Variants in RGMA observed in about 807,000 individuals in gnomAD.
The protein encoded by RGMA is repulsive guidance molecule A.
RGMA carries 10 observed loss-of-function variants against 23.2 expected under a neutral mutation model. That is an observed-to-expected ratio of 0.43 (90% CI 0.27 to 0.73). RGMA has a LOEUF of 0.73. RGMA is among the 30% of genes least tolerant of loss of function. RGMA has a pLI of 0.20. For synonymous variants in RGMA, 308 were observed against 279.3 expected, an observed-to-expected ratio of 1.10 and a Z score of -1.03; for missense variants, 547 against 630.5, an observed-to-expected ratio of 0.87 and a Z score of 1.42.
At chr15:93,061,565 A>T (rs1167947687) in intron 2 of RGMA, among the ~76,000 whole-genome samples, 1 of 152,148 alleles carries the variant, frequency 6.6e-6, no homozygotes, top group Non-Finnish European at 1.5e-5. Context: ...TCTTTTGGGG[A>T]GGGGGGCTCC....
At position 93,066,088 on chromosome 15, in the gene RGMA, C is replaced by T. The variant is rs1166501314; in HGVS notation, c.130+6828G>A. 8 of 1,505,892 alleles carry T rather than the reference C, an allele frequency of 5.3e-6. No homozygotes were observed. In the African/African-American group the frequency reaches 5.5e-5, roughly 10 times the overall value. 93.3% of individuals were successfully genotyped at this position (1,505,892 alleles called of 1,614,324 possible). ...AACTGAGGGAGGCCGGGGGATGAATCGGCGAAACTTACGTAGGTTGGGGGC... is the reference window on the plus strand; with the variant it reads ...AACTGAGGGAGGCCGGGGGATGAATTGGCGAAACTTACGTAGGTTGGGGGC... On this transcript the variant is annotated intron_variant, in intron 2 of 3. Coordinates refer to ENST00000329082, the MANE Select transcript of RGMA (RefSeq NM_020211.3).
chr15:93,052,819 A>G (rs1215185297), intron 2 of RGMA, among the ~76,000 whole-genome samples: 1 of 152,132 alleles, frequency 6.6e-6, no homozygotes, highest in East Asian at 1.9e-4. Context: ...CTGACAGGCC[A>G]CCCTGGGGCC....
At chr15:93,088,887 C>T (rs1489790664) in intron 1 of RGMA, 32 bp downstream of exon 1, 2 of 1,490,318 alleles carry the variant, frequency 1.3e-6, no homozygotes, top group South Asian at 1.3e-5. Context: ...GATGTCAGAG[C>T]CGGGTCTGCC....
rs1488708350 is a variant in RGMA at position 93,088,941 on chromosome 15, G to A, written c.-9C>T. ...TACCTTGGCGGCTGCATGAGCCCCT[G>A]CGGCCCGCGGGGGGTGGCGCTGGCG... is the stretch of plus-strand genomic sequence containing the variant. On this transcript the variant is annotated 5_prime_UTR_variant, in exon 1 of 4. Coordinates refer to ENST00000329082, the MANE Select transcript of RGMA (RefSeq NM_020211.3). 24 of 1,413,338 alleles carry A rather than the reference G, an allele frequency of 1.7e-5. No individual in the cohort carries two copies. The highest frequency in any genetic ancestry group is 2.2e-5 in the Non-Finnish European group (24 of 1,092,032). The allele number at this position is 1,413,338 out of a possible 1,614,324, so 87.5% of individuals were successfully genotyped here. A position where few individuals can be genotyped will look rare whatever the true frequency, so the allele number is the denominator to read the frequency against.
chr15:93,063,104 C>T (rs992842986), intron 2 of RGMA: 7 of 152,184 alleles, frequency 4.6e-5, no homozygotes, highest in African/African-American at 1.7e-4. Flanking sequence ...GAGGCGATGG[C>T]TTCAATTAGG....
At chr15:93,054,153 C>T (rs1190033483) in intron 2 of RGMA, among the ~76,000 whole-genome samples, 1 of 150,710 alleles carries the variant, frequency 6.6e-6, no homozygotes, top group African/African-American at 2.5e-5. Flanking sequence ...CTGCTTGAAC[C>T]CGGGAGGCAG....
At chr15:93,050,931 G>A (rs772817752) in intron 3 of RGMA, among the ~76,000 whole-genome samples, 11 of 152,216 alleles carry the variant, frequency 7.2e-5, no homozygotes, top group Non-Finnish European at 1.3e-4. Context: ...GGGAGGTGCA[G>A]GGGCCGTGGG....
chr15:93,066,262 G>T, intron 2 of RGMA: 1 of 1,136,096 alleles, frequency 8.8e-7, no homozygotes, highest in Non-Finnish European at 1.3e-6. Context: ...ATAGCTGTCT[G>T]GTGAACAAAG....
intron 1 of RGMA, chr15:93,073,567 C>A: frequency 6.5e-7 from 1 of 1,531,142 alleles, no homozygotes; most frequent in South Asian, 1.2e-5. Context: ...GCCCTACTTT[C>A]CAACCAGACT....
In RGMA at chr15:93,072,819, G is replaced by A. The variant is rs1023081162; in HGVS notation, c.130+97C>T. On this transcript the variant is annotated intron_variant, in intron 2 of 3. Transcript: ENST00000329082. Reference sequence around the variant, plus strand: ...AGGAGGCGGGGTCCGGAGGAGGTCCGGAGAACTTGAGCCCGGACTCACTCG... The same window carrying A: ...AGGAGGCGGGGTCCGGAGGAGGTCCAGAGAACTTGAGCCCGGACTCACTCG... The A allele has an allele frequency of 8.9e-6, 12 of 1,349,512 alleles. No individual in the cohort carries two copies. In the Admixed American group the frequency reaches 1.9e-4, roughly 21 times the overall value. 83.6% of individuals were successfully genotyped at this position (1,349,512 alleles called of 1,614,324 possible). A position where few individuals can be genotyped will look rare whatever the true frequency, so the allele number is the denominator to read the frequency against.
intron 2 of RGMA, among the ~76,000 whole-genome samples, chr15:93,062,378 C>T (rs986246175): frequency 1.3e-5 from 2 of 152,176 alleles, no homozygotes; most frequent in African/African-American, 4.8e-5. Context: ...AATGGAAGTA[C>T]GAGAAGGTAT....
intron 3 of RGMA, among the ~76,000 whole-genome samples, chr15:93,047,827 T>G (rs2054849700): frequency 6.6e-6 from 1 of 152,172 alleles, no homozygotes; most frequent in South Asian, 2.1e-4. Context: ...AGCAGATGTG[T>G]GGCGAGGGCA....
In RGMA at chr15:93,087,464, C is replaced by CA. The variant is rs60714695; in HGVS notation, c.14+1454dup. The stretch of plus-strand genomic sequence containing the variant: ...GCAAGAAACCCCTTCTTTGTATGTG[C>CA]AAAAAAAAAAAAAAAAAAAACCACA... On this transcript the variant is annotated intron_variant, in intron 1 of 3. Coordinates refer to ENST00000329082, the MANE Select transcript of RGMA (RefSeq NM_020211.3). Among the ~76,000 whole-genome samples the CA allele has an allele frequency of 4.4e-4, 33 of 74,522 alleles. 1 individual carries two copies. The highest frequency in any genetic ancestry group is 1.1e-3 in the African/African-American group (21 of 18,442). The allele number at this position is 74,522 out of a possible 152,430, so 48.9% of individuals were successfully genotyped here.
In RGMA at chr15:93,043,365, A is replaced by G. The variant is rs1169763370; in HGVS notation, c.*1633T>C. On this transcript the variant is annotated 3_prime_UTR_variant, in exon 4 of 4. Transcript: ENST00000329082. ...CAAAGTCCATCCTCCACCCGCCTCA[A>G]GGGAGCCAAAGTCTGTTCAGAAAAC... 6.6e-6 allele frequency: 1 copy of G among 152,540 alleles called. No homozygotes were observed. Among genetic ancestry groups the G allele is most frequent in the Non-Finnish European group, 1.5e-5 (1 of 68,066 alleles). 9.4% of individuals were successfully genotyped at this position (152,540 alleles called of 1,614,324 possible). A position where few individuals can be genotyped will look rare whatever the true frequency, so the allele number is the denominator to read the frequency against.
At position 93,041,553 on chromosome 15, in the gene RGMA, C is replaced by T. The variant is rs1596469018; in HGVS notation, c.*3445G>A. 2 of 152,328 alleles carry T rather than the reference C, an allele frequency of 1.3e-5. No individual in the cohort carries two copies. The highest frequency in any genetic ancestry group is 4.1e-4 in the South Asian group (2 of 4,824). The allele number at this position is 152,328 out of a possible 1,614,324, so 9.4% of individuals were successfully genotyped here. A position where few individuals can be genotyped will look rare whatever the true frequency, so the allele number is the denominator to read the frequency against. On this transcript the variant is annotated 3_prime_UTR_variant, in exon 4 of 4. Coordinates refer to ENST00000329082, the MANE Select transcript of RGMA (RefSeq NM_020211.3). ...AGGGTCCTGGAAAAAAAATTCCAAACCAAGAATACTTTGTGGCTAGTGCCA... is the reference window on the plus strand; with the variant it reads ...AGGGTCCTGGAAAAAAAATTCCAAATCAAGAATACTTTGTGGCTAGTGCCA...
At chr15:93,075,946 G>C (rs1049174518) in intron 1 of RGMA, among the ~76,000 whole-genome samples, 1 of 152,198 alleles carries the variant, frequency 6.6e-6, no homozygotes, top group Admixed American at 6.5e-5. Flanking sequence ...GCAGTATGGC[G>C]TTGTGTTGAC....
At chr15:93,065,022 G>C (rs1047493870) in intron 2 of RGMA, among the ~76,000 whole-genome samples, 1 of 150,902 alleles carries the variant, frequency 6.6e-6, no homozygotes, top group Non-Finnish European at 1.5e-5. Flanking sequence ...CTGTTGCCCA[G>C]ACTGGAGTGC....
intron 3 of RGMA, among the ~76,000 whole-genome samples, chr15:93,047,483 C>T (rs79350561): frequency 9.2e-5 from 14 of 152,274 alleles, no homozygotes; most frequent in African/African-American, 3.4e-4. Context: ...GCTAAAATCC[C>T]ACCTTTATCT....
intron 1 of RGMA, chr15:93,073,640 T>C: frequency 6.5e-7 from 1 of 1,537,056 alleles, no homozygotes; most frequent in Non-Finnish European, 8.7e-7. Flanking sequence ...GCGACACCGG[T>C]GCAGGAGGCT....
Sources: gnomAD v4.1 joint callset for allele counts (sites outside exome capture counted in the v4.1 genomes callset) on GRCh38, gnomAD v4.1.1 for gene constraint, MANE v1.5 for transcripts, NCBI Gene and HGNC (gene_info 2026-07-23, HGNC 2026-07-21) for gene names.